The following COLEC12 variants were observed in gnomAD, a reference collection of about 807,000 sequenced individuals.
The protein encoded by COLEC12 is collectin-12.
A neutral mutation model predicts 71.1 loss-of-function variants in COLEC12; 33 were observed. The observed-to-expected ratio is 0.46, with a 90% CI of 0.35 to 0.62. The LOEUF (loss-of-function observed/expected upper bound fraction) is 0.62. Ranked by LOEUF, COLEC12 falls within the 20% of genes least tolerant of loss-of-function variation. The probability of loss-of-function intolerance (pLI) is 0.00; values close to 1 mark genes in which losing one functional copy is unlikely to be tolerated. For synonymous variants in COLEC12, 350 were observed against 353.0 expected, an observed-to-expected ratio of 0.99 and a Z score of 0.10; for missense variants, 765 against 916.1, an observed-to-expected ratio of 0.84 and a Z score of 2.13.
intron 1 of COLEC12, among the ~76,000 whole-genome samples, chr18:498,377 T>TTTTTTTTCTTTG (rs1178071975): frequency 7.2e-6 from 1 of 138,254 alleles, no homozygotes; most frequent in African/African-American, 2.9e-5. Context: ...TTTTTTTTTT[T>TTTTTTTTCTTTG]AGACGGAGTC....
intron 2 of COLEC12, among the ~76,000 whole-genome samples, chr18:364,621 T>A (rs559477311): frequency 6.6e-6 from 1 of 152,218 alleles, no homozygotes; most frequent in South Asian, 2.1e-4. Context: ...AAAGGACTCA[T>A]GAAAATGCAG....
chr18:429,221 G>T (rs1398602829), intron 2 of COLEC12, among the ~76,000 whole-genome samples: 1 of 146,822 alleles, frequency 6.8e-6, no homozygotes, highest in Non-Finnish European at 1.5e-5. Context: ...GTTTTGATTT[G>T]TTTTTTTAAC....
chr18:388,271 C>T (rs1399263776), intron 2 of COLEC12, among the ~76,000 whole-genome samples: 1 of 152,188 alleles, frequency 6.6e-6, no homozygotes, highest in Non-Finnish European at 1.5e-5. Context: ...GACACATCAG[C>T]TACTTAGTAT....
intron 2 of COLEC12, among the ~76,000 whole-genome samples, chr18:436,538 G>T (rs1282669454): frequency 7.6e-5 from 6 of 79,388 alleles, no homozygotes; most frequent in Middle Eastern, 0.014. Context: ...GGGGGGGGGG[G>T]GAAACAGGGG....
chr18:349,370 T>C (rs563618400), intron 3 of COLEC12, among the ~76,000 whole-genome samples: 16 of 152,322 alleles, frequency 1.1e-4, no homozygotes, highest in African/African-American at 2.6e-4. Flanking sequence ...AAATCAATAA[T>C]TGAGGTTTGG....
intron 2 of COLEC12, among the ~76,000 whole-genome samples, chr18:422,697 T>G (rs993451681): frequency 6.6e-6 from 1 of 152,102 alleles, no homozygotes; most frequent in Admixed American, 6.5e-5. Context: ...TACACATAGA[T>G]GCATACGTGC....
intron 2 of COLEC12, among the ~76,000 whole-genome samples, chr18:444,816 CA>C (rs1916614794): frequency 6.6e-6 from 1 of 152,176 alleles, no homozygotes; most frequent in Non-Finnish European, 1.5e-5. Flanking sequence ...TTGTCAGAAA[CA>C]ATATCCTCCA....
intron 2 of COLEC12, among the ~76,000 whole-genome samples, chr18:378,487 C>CG (rs2033913349): frequency 6.6e-6 from 1 of 152,160 alleles, no homozygotes; most frequent in Non-Finnish European, 1.5e-5. Flanking sequence ...GCAATTGGCA[C>CG]GGGTTTTTCA....
At chr18:389,979 T>C (rs980775984) in intron 2 of COLEC12, among the ~76,000 whole-genome samples, 1 of 152,218 alleles carries the variant, frequency 6.6e-6, no homozygotes, top group African/African-American at 2.4e-5. Context: ...TGAGTGACTT[T>C]TGTTCTAATT....
At chr18:407,139 G>A (rs114241940) in intron 2 of COLEC12, among the ~76,000 whole-genome samples, 283 of 152,316 alleles carry the variant, frequency 1.9e-3, no homozygotes, top group African/African-American at 6.6e-3. Context: ...TCAGTGTTGA[G>A]GTGGAACCTC....
At chr18:380,502 G>A (rs541006262) in intron 2 of COLEC12, among the ~76,000 whole-genome samples, 2 of 123,892 alleles carry the variant, frequency 1.6e-5, no homozygotes, top group African/African-American at 6.0e-5. Context: ...TTTCATCAAC[G>A]GTGCCTAACA....
chr18:467,352 C>T (rs1917108228), intron 2 of COLEC12, among the ~76,000 whole-genome samples: 1 of 152,192 alleles, frequency 6.6e-6, no homozygotes, highest in Non-Finnish European at 1.5e-5. Context: ...CCACTGGATA[C>T]CCTTTTGTGT....
At chr18:442,923 T>G (rs1916573224) in intron 2 of COLEC12, among the ~76,000 whole-genome samples, 1 of 152,182 alleles carries the variant, frequency 6.6e-6, no homozygotes, top group East Asian at 1.9e-4. Context: ...ATCCCGCCAC[T>G]GCACTCCAGC....
intron 2 of COLEC12, among the ~76,000 whole-genome samples, chr18:419,352 CAT>C: frequency 6.6e-6 from 1 of 152,124 alleles, no homozygotes. Flanking sequence ...ACTACAGGCG[CAT>C]GCCACCACAC....
chr18:377,140 C>T (rs1465532761), intron 2 of COLEC12, among the ~76,000 whole-genome samples: 1 of 152,196 alleles, frequency 6.6e-6, no homozygotes, highest in African/African-American at 2.4e-5. Flanking sequence ...GGCAGAGCTT[C>T]AGTGGGTTTT....
chr18:377,587 A>G (rs989529738), intron 2 of COLEC12, among the ~76,000 whole-genome samples: 3 of 152,214 alleles, frequency 2.0e-5, no homozygotes, highest in African/African-American at 7.2e-5. Context: ...CTTGTTGCTC[A>G]AAGGAAAGGA....
intron 5 of COLEC12, among the ~76,000 whole-genome samples, chr18:340,191 G>T (rs750222198): frequency 6.6e-6 from 1 of 151,854 alleles, no homozygotes; most frequent in Admixed American, 6.5e-5. Flanking sequence ...GATGTCCTAC[G>T]TGGAAGGACA....
intron 8 of COLEC12, among the ~76,000 whole-genome samples, chr18:328,075 T>C (rs1263107764): frequency 5.3e-5 from 8 of 152,182 alleles, no homozygotes; most frequent in Non-Finnish European, 1.0e-4. Flanking sequence ...TGGCCTCAAA[T>C]GATACTCCCA....
intron 2 of COLEC12, among the ~76,000 whole-genome samples, chr18:444,688 C>T (rs370681350): frequency 3.3e-5 from 5 of 151,762 alleles, no homozygotes; most frequent in Admixed American, 2.6e-4. Flanking sequence ...AATATAGGCG[C>T]GAAAACAAGA....
Sources: allele counts gnomAD v4.1 joint callset (sites outside exome capture counted in the v4.1 genomes callset), GRCh38; gene constraint gnomAD v4.1.1; transcripts MANE v1.5; gene names NCBI Gene and HGNC (gene_info 2026-07-23, HGNC 2026-07-21).